AGL: variants seen among roughly 807,000 people sequenced by gnomAD.
AGL encodes the protein glycogen debranching enzyme.
AGL carries 128 observed loss-of-function variants against 199.3 expected under a neutral mutation model. The observed-to-expected ratio is 0.64, with a 90% confidence interval of 0.56 to 0.74. AGL has a LOEUF of 0.74. Among genes scored for constraint, AGL ranks in the 30% least tolerant of loss-of-function variants. The pLI is 0.00. For synonymous variants in AGL, 584 were observed against 594.7 expected (o/e 0.98, Z 0.26); for missense variants, 1,809 against 1,820.8 (o/e 0.99, Z 0.12).
At chr1:99,915,074 G>C (rs1655015115) in intron 30 of AGL, among the ~76,000 whole-genome samples, 3 of 152,082 alleles carry the variant, frequency 2.0e-5, no homozygotes, top group Admixed American at 1.3e-4. Context: ...GTGAGACCCT[G>C]TCTCCAAAGG....
Position 99,879,998 on chromosome 1 carries a change from C to CG in AGL, c.1687_1688insG (p.Leu563ArgfsTer8). 6.2e-7 allele frequency: 1 copy of CG among 1,613,738 alleles called. No homozygotes were observed. Among genetic ancestry groups the CG allele is most frequent in the East Asian group, 2.2e-5 (1 of 44,776 alleles). Reference sequence around the variant, plus strand: ...TGAACTGTTCACAGGAAGTGAAGATCTGGACAATGTCTTTGTTACTAGACT... The same window carrying CG: ...TGAACTGTTCACAGGAAGTGAAGATCGTGGACAATGTCTTTGTTACTAGACT... On this transcript the variant is annotated frameshift_variant, in exon 13 of 34. Coordinates refer to ENST00000361915, the MANE Select transcript of AGL (RefSeq NM_000642.3). LOFTEE classifies it high-confidence loss of function.
At chr1:99,909,654 A>T (rs544114000) in intron 27 of AGL, among the ~76,000 whole-genome samples, 5 of 152,026 alleles carry the variant, frequency 3.3e-5, no homozygotes, top group South Asian at 4.2e-4. Flanking sequence ...GGAGAATTTT[A>T]AAAAAAGAAA....
intron 5 of AGL, among the ~76,000 whole-genome samples, chr1:99,870,036 T>C (rs1250880446): frequency 1.3e-5 from 2 of 152,220 alleles, no homozygotes; most frequent in Non-Finnish European, 2.9e-5. Context: ...TTCGTATTCC[T>C]TGAGCGTATT....
chr1:99,867,190 T>A (rs759421256), intron 5 of AGL, among the ~76,000 whole-genome samples: 25 of 152,224 alleles, frequency 1.6e-4, no homozygotes, highest in Non-Finnish European at 3.4e-4. Flanking sequence ...CTTCACACAC[T>A]CTTTACGTAG....
chr1:99,881,781 T>G, intron 17 of AGL, 90 bp downstream of exon 17: 1 of 1,154,564 alleles, frequency 8.7e-7, no homozygotes, highest in Non-Finnish European at 1.2e-6. Context: ...CATGTATATA[T>G]CATATATATT....
intron 5 of AGL, among the ~76,000 whole-genome samples, chr1:99,870,008 T>C (rs1426103034): frequency 6.6e-6 from 1 of 152,152 alleles, no homozygotes; most frequent in African/African-American, 2.4e-5. Context: ...TGATTCTGAT[T>C]CTGAACTATA....
intron 2 of AGL, among the ~76,000 whole-genome samples, chr1:99,853,670 T>C (rs1381921474): frequency 1.3e-5 from 2 of 152,038 alleles, no homozygotes; most frequent in African/African-American, 4.8e-5. Flanking sequence ...GGAGGACCAC[T>C]TGAGGCCAGG....
Position 99,874,617 on chromosome 1 carries a change from A to G in AGL, c.959-70A>G, listed in dbSNP as rs1651339543. On this transcript the variant is annotated intron_variant, in intron 7 of 33. Coordinates refer to ENST00000361915, the MANE Select transcript of AGL (RefSeq NM_000642.3). Reference sequence around the variant, plus strand: ...GTGAAAAAATTATAGGCCAAAAATTAGAAAATAGTGACAGTTATAATCTCT... The same window carrying G: ...GTGAAAAAATTATAGGCCAAAAATTGGAAAATAGTGACAGTTATAATCTCT... 4.1e-6 allele frequency: 6 copies of G among 1,466,632 alleles called. No individual in the cohort carries two copies. The Admixed American group carries it at 1.1e-4, about 28-fold the overall frequency. The allele number at this position is 1,466,632 out of a possible 1,614,324, so 90.9% of individuals were successfully genotyped here.
rs2101145600 is a variant in AGL at position 99,880,004 on chromosome 1, A to G, written c.1693A>G (p.Asn565Asp). ...GTTCACAGGAAGTGAAGATCTGGAC[A>G]ATGTCTTTGTTACTAGACTGGGCAT... The part of the protein sequence containing the change: ...ELFTGSEDLD[N>D]VFVTRLGISS... The change falls in exon 13 of 34, where the codon AAT becomes GAT. Residue 565 changes from asparagine (N) to aspartate (D), a missense_variant. Transcript: ENST00000361915. 8 of 1,613,734 alleles carry G rather than the reference A, an allele frequency of 5.0e-6. No individual in the cohort carries two copies. The highest frequency in any genetic ancestry group is 6.8e-6 in the Non-Finnish European group (8 of 1,179,786).
intron 13 of AGL, 81 bp downstream of exon 13, chr1:99,880,127 A>C (rs1651893368): frequency 1.3e-6 from 2 of 1,568,446 alleles, no homozygotes; most frequent in Admixed American, 1.7e-5. Context: ...CTTCATATGC[A>C]ATGCTTAATA....
At chr1:99,866,456 C>T (rs370947447) in intron 5 of AGL, among the ~76,000 whole-genome samples, 3 of 152,146 alleles carry the variant, frequency 2.0e-5, no homozygotes, top group African/African-American at 4.8e-5. Context: ...ACATTCTCCC[C>T]AGTGGAAATG....
rs532429123 is a variant in AGL at position 99,855,401 on chromosome 1, T to A, written c.82+4277T>A. Among the ~76,000 whole-genome samples, 4 of 152,156 alleles carry A rather than the reference T, an allele frequency of 2.6e-5. No homozygotes were observed. In the South Asian group the frequency reaches 8.3e-4, roughly 31 times the overall value. The stretch of plus-strand genomic sequence containing the variant: ...TCCTCCTCGTTTTTAAGACTGATAT[T>A]TCTATAGATTCTTCCAGTTCAACAA... On this transcript the variant is annotated intron_variant, in intron 2 of 33. Coordinates refer to ENST00000361915, the MANE Select transcript of AGL (RefSeq NM_000642.3).
At chr1:99,857,618 C>G (rs1389992831) in intron 2 of AGL, among the ~76,000 whole-genome samples, 4 of 151,444 alleles carry the variant, frequency 2.6e-5, no homozygotes, top group Admixed American at 6.6e-5. Context: ...GAGACCAGCC[C>G]GGCCAACACA....
chr1:99,916,566 G>GT lies in AGL; in HGVS notation c.4348-24dup, dbSNP rs539623052. 595 of 1,608,570 alleles carry GT rather than the reference G, an allele frequency of 3.7e-4. 2 individuals carry two copies. In the Middle Eastern group the frequency reaches 7.6e-3, roughly 21 times the overall value. On this transcript the variant is annotated intron_variant, in intron 32 of 33. Transcript: ENST00000361915. The stretch of plus-strand genomic sequence containing the variant: ...TTCAAGTAATTTTTAGGTATTTATG[G>GT]TTTTTTTTGTCTTTTAAATAATCTT...
chr1:99,899,465 G>A (rs988091963), intron 25 of AGL, among the ~76,000 whole-genome samples: 1 of 151,708 alleles, frequency 6.6e-6, no homozygotes, highest in Admixed American at 6.6e-5. Context: ...TTTTAAACTG[G>A]TTGAATTATG....
chr1:99,897,318 G>C (rs1284241124), intron 25 of AGL, among the ~76,000 whole-genome samples: 2 of 152,098 alleles, frequency 1.3e-5, no homozygotes, highest in Non-Finnish European at 2.9e-5. Context: ...GAGTAGGGTT[G>C]GTGGGCAGAA....
intron 20 of AGL, among the ~76,000 whole-genome samples, chr1:99,885,189 T>C (rs1296397448): frequency 6.6e-6 from 1 of 152,224 alleles, no homozygotes; most frequent in South Asian, 2.1e-4. Flanking sequence ...ATTCCCTTTC[T>C]AGATGTTTCT....
chr1:99,861,209 T>C (rs1650004815), intron 2 of AGL: 2 of 1,254,242 alleles, frequency 1.6e-6, no homozygotes, highest in African/African-American at 1.5e-5. Context: ...GTAAATGGGG[T>C]TGTATAAGAA....
intron 25 of AGL, among the ~76,000 whole-genome samples, chr1:99,899,257 C>T (rs1653599397): frequency 6.6e-6 from 1 of 152,008 alleles, no homozygotes; most frequent in Non-Finnish European, 1.5e-5. Flanking sequence ...GTGGTTTAGC[C>T]AAAAAGCAGT....
Sources: allele counts gnomAD v4.1 joint callset (sites outside exome capture counted in the v4.1 genomes callset), GRCh38; gene constraint gnomAD v4.1.1; transcripts MANE v1.5; gene names NCBI Gene and HGNC (gene_info 2026-07-23, HGNC 2026-07-21).